The following RTN4RL1 variants were observed in gnomAD, a reference collection of about 807,000 sequenced individuals.
RTN4RL1 encodes reticulon 4 receptor like 1, also known as reticulon-4 receptor-like 1.
RTN4RL1 carries 7 observed loss-of-function variants against 25.6 expected under a neutral mutation model. The ratio of observed to expected loss-of-function variants is 0.27; its 90% CI spans 0.16 to 0.51. The LOEUF is 0.51. RTN4RL1 is among the 20% of genes least tolerant of loss of function. The pLI is 0.97. For missense variants in RTN4RL1, 500 were observed against 615.6 expected (o/e 0.81, Z 1.99); for synonymous variants, 297 against 288.2 (o/e 1.03, Z -0.31).
At position 1,936,577 on chromosome 17, in the gene RTN4RL1, C is replaced by A. The variant is rs765937708; in HGVS notation, c.1245G>T (p.Gly415=). 3 of 1,571,138 alleles carry A rather than the reference C, an allele frequency of 1.9e-6. No individual in the cohort carries two copies. Among genetic ancestry groups the A allele is most frequent in the African/African-American group, 1.3e-5 (1 of 74,180 alleles). ...AACTGGCCGAGGAGGCCTGCTGCAC[C>A]CCGCTGGGGGCACGGATGGGGGTCC... is the stretch of plus-strand genomic sequence containing the variant. ...ARRTPIRAPS[G]VQQASSASSL... is the part of the protein sequence containing the mutation. The change falls in exon 2 of 2, where the codon GGG becomes GGT. Residue 415 remains glycine, a synonymous_variant. Transcript: ENST00000331238.
At chr17:2,015,702 T>G (rs2067111933) in intron 1 of RTN4RL1, among the ~76,000 whole-genome samples, 2 of 151,956 alleles carry the variant, frequency 1.3e-5, no homozygotes, top group Admixed American at 1.3e-4. Context: ...GGGTCTGGCT[T>G]GAGGAGTGAG....
At chr17:1,964,842 GC>G (rs1269802252) in intron 1 of RTN4RL1, among the ~76,000 whole-genome samples, 1 of 141,452 alleles carries the variant, frequency 7.1e-6, no homozygotes, top group Non-Finnish European at 1.5e-5. Context: ...AGGCTGGAGT[GC>G]AGTGGCGCAA....
chr17:1,956,154 T>C (rs768165409), intron 1 of RTN4RL1, among the ~76,000 whole-genome samples: 1 of 152,180 alleles, frequency 6.6e-6, no homozygotes, highest in Non-Finnish European at 1.5e-5. Flanking sequence ...AGGGGGTCTC[T>C]ATCTTTGAGG....
At chr17:1,944,397 C>T (rs1280352583) in intron 1 of RTN4RL1, among the ~76,000 whole-genome samples, 2 of 152,200 alleles carry the variant, frequency 1.3e-5, no homozygotes, top group East Asian at 3.9e-4. Context: ...AAGCCTCCTC[C>T]ACTCGCATAT....
At chr17:1,992,837 C>T (rs1017022452) in intron 1 of RTN4RL1, among the ~76,000 whole-genome samples, 7 of 152,242 alleles carry the variant, frequency 4.6e-5, no homozygotes, top group African/African-American at 1.7e-4. Context: ...CGCCTGCTGA[C>T]GATGGCTGCC....
At chr17:1,965,348 G>C (rs1023075174) in intron 1 of RTN4RL1, among the ~76,000 whole-genome samples, 4 of 151,514 alleles carry the variant, frequency 2.6e-5, no homozygotes, top group Admixed American at 6.6e-5. Flanking sequence ...CTGACCTCAG[G>C]TGATCCGCCC....
intron 1 of RTN4RL1, among the ~76,000 whole-genome samples, chr17:1,960,162 T>A (rs1915867133): frequency 6.6e-6 from 1 of 151,286 alleles, no homozygotes; most frequent in South Asian, 2.1e-4. Flanking sequence ...TCAAAATACA[T>A]CCCAAATTCA....
intron 1 of RTN4RL1, among the ~76,000 whole-genome samples, chr17:2,004,630 C>T (rs985842320): frequency 1.3e-5 from 2 of 152,186 alleles, no homozygotes; most frequent in Non-Finnish European, 1.5e-5. Flanking sequence ...AAATGCTTCC[C>T]GCAGCTCCGC....
At position 1,980,230 on chromosome 17, in the gene RTN4RL1, A is replaced by T. The variant is rs59652519; in HGVS notation, c.14-42422T>A. Reference sequence around the variant, plus strand: ...AAGCTCGTGCCACCACGCTCAGCTAATTTTTTTTTTTTTTTTTTTTAGTAG... The same window carrying T: ...AAGCTCGTGCCACCACGCTCAGCTATTTTTTTTTTTTTTTTTTTTTAGTAG... On this transcript the variant is annotated intron_variant, in intron 1 of 1. Coordinates refer to ENST00000331238, the MANE Select transcript of RTN4RL1 (RefSeq NM_178568.4). 5.1e-3 allele frequency among the ~76,000 whole-genome samples: 650 copies of T among 126,430 alleles called. 29 individuals are homozygous for T. The highest frequency in any genetic ancestry group is 0.019 in the African/African-American group (623 of 32,292). 82.9% of individuals were successfully genotyped at this position (126,430 alleles called of 152,430 possible).
At chr17:1,944,690 C>T (rs1046378469) in intron 1 of RTN4RL1, among the ~76,000 whole-genome samples, 3 of 151,914 alleles carry the variant, frequency 2.0e-5, no homozygotes, top group Non-Finnish European at 4.4e-5. Context: ...CTCCTGACCT[C>T]AGGTGATCTG....
intron 1 of RTN4RL1, among the ~76,000 whole-genome samples, chr17:1,993,374 C>T (rs1019973744): frequency 3.3e-5 from 5 of 152,200 alleles, no homozygotes; most frequent in Non-Finnish European, 7.3e-5. Context: ...GACCTGGGTT[C>T]AAATCCTGGC....
chr17:1,950,463 T>C (rs1915649951), intron 1 of RTN4RL1, among the ~76,000 whole-genome samples: 1 of 151,980 alleles, frequency 6.6e-6, no homozygotes, highest in Non-Finnish European at 1.5e-5. Context: ...CTTAGAGAGA[T>C]GTTTAGTTGG....
At position 2,000,009 on chromosome 17, in the gene RTN4RL1, G is replaced by A. The variant is rs527635552; in HGVS notation, c.13+24844C>T. On this transcript the variant is annotated intron_variant, in intron 1 of 1. Transcript: ENST00000331238. ...CCAGGGTCCCTGGGCCTGGATGGGT[G>A]CAGGGGCACAGGCCGGCCATCTGCA... Among the ~76,000 whole-genome samples, 58 of 152,366 alleles carry A rather than the reference G, an allele frequency of 3.8e-4. No homozygotes were observed. In the South Asian group the frequency reaches 0.011, roughly 28 times the overall value.
intron 1 of RTN4RL1, among the ~76,000 whole-genome samples, chr17:1,979,304 A>G (rs1476758494): frequency 6.6e-6 from 1 of 150,904 alleles, no homozygotes; most frequent in Non-Finnish European, 1.5e-5. Flanking sequence ...AAAAAACCCC[A>G]TCTCTACAAA....
In RTN4RL1 at chr17:1,998,944, C is replaced by G. The variant is rs1184134059; in HGVS notation, c.13+25909G>C. Among the ~76,000 whole-genome samples, 1 of 152,176 alleles carries G rather than the reference C, an allele frequency of 6.6e-6. No homozygotes were observed. The highest frequency in any genetic ancestry group is 1.5e-5 in the Non-Finnish European group (1 of 68,030). Reference sequence around the variant, plus strand: ...CCCTGCCCTCACCGAGGGTTCCAGTCGGCTGTGCACAACTGAAGAGCTGCT... The same window carrying G: ...CCCTGCCCTCACCGAGGGTTCCAGTGGGCTGTGCACAACTGAAGAGCTGCT... On this transcript the variant is annotated intron_variant, in intron 1 of 1. Transcript: ENST00000331238. The surrounding 1 kb of genome is among the most constrained non-coding windows in gnomAD (Gnocchi z 4.9).
rs543337886 is a variant in RTN4RL1 at position 1,989,081 on chromosome 17, C to T, written c.13+35772G>A. 4.6e-5 allele frequency among the ~76,000 whole-genome samples: 7 copies of T among 152,232 alleles called. No individual in the cohort carries two copies. The South Asian group carries it at 1.5e-3, about 32-fold the overall frequency. On this transcript the variant is annotated intron_variant, in intron 1 of 1. Transcript: ENST00000331238. The stretch of plus-strand genomic sequence containing the variant: ...TAATTGCGGCAAGGAGGCTGGAGAC[C>T]AGAGAGTAATCTAGACCACCAATCA...
At position 1,989,343 on chromosome 17, in the gene RTN4RL1, CT is replaced by C. The variant is rs770742145; in HGVS notation, c.13+35509del. Among the ~76,000 whole-genome samples, 501 of 139,908 alleles carry C rather than the reference CT, an allele frequency of 3.6e-3. 1 individual carries two copies. Among genetic ancestry groups the C allele is most frequent in the East Asian group, 4.7e-3 (23 of 4,890 alleles). 91.8% of individuals were successfully genotyped at this position (139,908 alleles called of 152,430 possible). A position where few individuals can be genotyped will look rare whatever the true frequency, so the allele number is the denominator to read the frequency against. On this transcript the variant is annotated intron_variant, in intron 1 of 1. Transcript: ENST00000331238. ...TTAATGTGGCCAAAAATTATAGAGGCTTTTTTTTTTTTGGAAGGCACATCAA... is the reference window on the plus strand; with the variant it reads ...TTAATGTGGCCAAAAATTATAGAGGCTTTTTTTTTTTGGAAGGCACATCAA...
intron 1 of RTN4RL1, among the ~76,000 whole-genome samples, chr17:1,955,933 A>C (rs1185433953): frequency 6.6e-6 from 1 of 152,112 alleles, no homozygotes; most frequent in Non-Finnish European, 1.5e-5. Context: ...TAGAAGTAAA[A>C]AGGAAGAAAA....
At chr17:1,963,994 T>TG (rs2066777725) in intron 1 of RTN4RL1, among the ~76,000 whole-genome samples, 1 of 152,094 alleles carries the variant, frequency 6.6e-6, no homozygotes, top group Non-Finnish European at 1.5e-5. Flanking sequence ...CCCAAAGTGC[T>TG]GGATTACAGG....
Sources: gnomAD v4.1 joint callset for allele counts (sites outside exome capture counted in the v4.1 genomes callset) on GRCh38, gnomAD v4.1.1 for gene constraint, Gnocchi (gnomAD v3.1) non-coding constraint, MANE v1.5 for transcripts, NCBI Gene and HGNC (gene_info 2026-07-23, HGNC 2026-07-21) for gene names.